PLA2G5: variants seen among roughly 807,000 people sequenced by gnomAD.
The protein encoded by PLA2G5 is Ca2+-dependent phospholipase A2.
A neutral mutation model predicts 15.9 loss-of-function variants in PLA2G5; 12 were observed. The observed-to-expected ratio is 0.76, with a 90% CI of 0.48 to 1.23. The LOEUF is 1.23. PLA2G5 is among the 50% of genes most tolerant of loss of function. The pLI, the probability that PLA2G5 is intolerant of heterozygous loss-of-function variation, is 0.00. For missense variants in PLA2G5, 169 were observed against 177.1 expected (o/e 0.95, Z 0.26); for synonymous variants, 71 against 71.4 (o/e 0.99, Z 0.03).
intron 1 of PLA2G5, among the ~76,000 whole-genome samples, chr1:20,047,014 C>T (rs1433352870): frequency 6.6e-6 from 1 of 152,164 alleles, no homozygotes; most frequent in Non-Finnish European, 1.5e-5. Context: ...AGAGAAAGGT[C>T]ATTTTGCTCC....
At chr1:20,044,800 G>A (rs11590441) in intron 1 of PLA2G5, among the ~76,000 whole-genome samples, 1,656 of 152,166 alleles carry the variant, frequency 0.011, 32 homozygotes, top group African/African-American at 0.038. Flanking sequence ...GGCAGGGTGC[G>A]ATCTGAGGTG....
At chr1:20,064,361 G>A (rs1266310584) in intron 2 of PLA2G5, among the ~76,000 whole-genome samples, 1 of 152,074 alleles carries the variant, frequency 6.6e-6, no homozygotes, top group Non-Finnish European at 1.5e-5. Context: ...ATGATTTGAG[G>A]TCAGGAGTTC....
chr1:20,056,200 C>T (rs2014424630), intron 1 of PLA2G5, among the ~76,000 whole-genome samples: 1 of 152,134 alleles, frequency 6.6e-6, no homozygotes, highest in South Asian at 2.1e-4. Context: ...TACACATCCT[C>T]TTGCATCATC....
chr1:20,061,082 G>T (rs16823377), intron 2 of PLA2G5, among the ~76,000 whole-genome samples: 9,525 of 152,232 alleles, frequency 0.063, 493 homozygotes, highest in East Asian at 0.25. Context: ...AGGCAGCCTG[G>T]TGATTCCGGA....
upstream of PLA2G5, among the ~76,000 whole-genome samples, chr1:20,069,627 C>A (rs187197174): frequency 6.2e-3 from 917 of 148,670 alleles, 6 homozygotes; most frequent in South Asian, 0.023. Context: ...CACCACTGCA[C>A]TCCAGCCTGG....
intron 1 of PLA2G5, chr1:20,076,865 G>A (rs1385692660): frequency 6.6e-6 from 1 of 152,262 alleles, no homozygotes; most frequent in Non-Finnish European, 1.5e-5. Flanking sequence ...GGAGGAGGAG[G>A]ACTTGATGTA....
At chr1:20,079,113 C>CAA (rs5772882) in intron 1 of PLA2G5, among the ~76,000 whole-genome samples, 6 of 103,062 alleles carry the variant, frequency 5.8e-5, no homozygotes, top group Admixed American at 2.1e-4. Flanking sequence ...GACCCTGTCT[C>CAA]AAAAAAAAAA....
chr1:20,048,540 A>G (rs2014031529), intron 1 of PLA2G5, among the ~76,000 whole-genome samples: 1 of 152,216 alleles, frequency 6.6e-6, no homozygotes, highest in Admixed American at 6.5e-5. Flanking sequence ...TTGTGGCTTT[A>G]GGCAGTCTAG....
intron 1 of PLA2G5, among the ~76,000 whole-genome samples, chr1:20,072,582 AG>A (rs2015435136): frequency 6.6e-6 from 1 of 152,164 alleles, no homozygotes; most frequent in Admixed American, 6.5e-5. Context: ...GGAATGCGTT[AG>A]GGGTGGTATA....
Position 20,070,286 on chromosome 1 carries a change from A to T in PLA2G5, c.-190A>T, listed in dbSNP as rs1360751795. On this transcript the variant is annotated 5_prime_UTR_variant, in exon 1 of 5. Transcript: ENST00000375108. Reference sequence around the variant, plus strand: ...TTTGTCCTCATCATCGGTCACTCCCATTCACAGCTTTAAGATTCTGGAGGC... The same window carrying T: ...TTTGTCCTCATCATCGGTCACTCCCTTTCACAGCTTTAAGATTCTGGAGGC... The T allele has an allele frequency of 1.0e-6, 1 of 985,302 alleles. No individual in the cohort carries two copies. Among genetic ancestry groups the T allele is most frequent in the Non-Finnish European group, 1.2e-6 (1 of 829,952 alleles). 61.0% of individuals were successfully genotyped at this position (985,302 alleles called of 1,614,324 possible).
At chr1:20,073,180 A>T (rs1003095814) in intron 1 of PLA2G5, among the ~76,000 whole-genome samples, 4 of 152,244 alleles carry the variant, frequency 2.6e-5, no homozygotes, top group African/African-American at 9.6e-5. Flanking sequence ...TTAACCAGTT[A>T]GAAAAAGAGA....
intron 1 of PLA2G5, among the ~76,000 whole-genome samples, chr1:20,047,020 G>T (rs1038683665): frequency 6.6e-6 from 1 of 152,168 alleles, no homozygotes; most frequent in African/African-American, 2.4e-5. Flanking sequence ...AGGTCATTTT[G>T]CTCCTCCCAG....
intron 1 of PLA2G5, among the ~76,000 whole-genome samples, chr1:20,029,805 T>G (rs921945029): frequency 1.3e-5 from 2 of 152,210 alleles, no homozygotes; most frequent in Non-Finnish European, 2.9e-5. Flanking sequence ...ATAGTTTGGT[T>G]GTTAGGCAAA....
chr1:20,056,199 T>C (rs1235033881), intron 1 of PLA2G5, among the ~76,000 whole-genome samples: 2 of 152,080 alleles, frequency 1.3e-5, no homozygotes, highest in East Asian at 3.9e-4. Context: ...ATACACATCC[T>C]CTTGCATCAT....
rs553768180 is a variant in PLA2G5, at chr1:20,030,437, A to G, written n.276+1728A>G. Among the ~76,000 whole-genome samples the G allele has an allele frequency of 2.0e-5, 3 of 152,258 alleles. No homozygotes were observed. In the East Asian group the frequency reaches 5.8e-4, roughly 29 times the overall value. ...CCACCAGCATGTCTCACCTCCAGCCATAAGGCGGTTTTCTCCTATCTCAGT... is the reference window on the plus strand; with the variant it reads ...CCACCAGCATGTCTCACCTCCAGCCGTAAGGCGGTTTTCTCCTATCTCAGT... On this transcript the variant is annotated intron_variant and non_coding_transcript_variant, in intron 1 of 6. Coordinates refer to the PLA2G5 transcript ENST00000460175.
rs1446263758 is a variant in PLA2G5, at chr1:20,070,438, G to C, written c.-38G>C. The C allele has an allele frequency of 2.0e-6, 2 of 985,538 alleles. No homozygotes were observed. Among genetic ancestry groups the C allele is most frequent in the Non-Finnish European group, 2.4e-6 (2 of 830,014 alleles). 61.0% of individuals were successfully genotyped at this position (985,538 alleles called of 1,614,324 possible). ...AGTTGCTCATGGGAGCAGACCTCTA[G>C]AGCAGGATTTGAGGCCAGGCCAAAG... is the stretch of plus-strand genomic sequence containing the variant. On this transcript the variant is annotated 5_prime_UTR_variant, in exon 1 of 5. The change abolishes the stop of an existing upstream ORF in the 5' untranslated region. Transcript: ENST00000375108.
chr1:20,072,030 C>T (rs751177956), intron 1 of PLA2G5, among the ~76,000 whole-genome samples: 4 of 152,130 alleles, frequency 2.6e-5, no homozygotes, highest in African/African-American at 4.8e-5. Context: ...ATTGCTTGAA[C>T]CCAGGTGGCG....
chr1:20,062,825 G>T (rs1350847988), intron 2 of PLA2G5, among the ~76,000 whole-genome samples: 2 of 152,118 alleles, frequency 1.3e-5, no homozygotes, highest in Non-Finnish European at 2.9e-5. Context: ...CCAGACACCA[G>T]GTAGTAAGGC....
At chr1:20,079,373 G>C (rs1385226437) in intron 1 of PLA2G5, among the ~76,000 whole-genome samples, 1 of 152,208 alleles carries the variant, frequency 6.6e-6, no homozygotes, top group African/African-American at 2.4e-5. Flanking sequence ...TCAGCCCTGA[G>C]GTGATGTGGC....
Sources: gnomAD v4.1 joint callset for allele counts (sites outside exome capture counted in the v4.1 genomes callset) on GRCh38, gnomAD v4.1.1 for gene constraint, MANE v1.5 for transcripts, NCBI Gene and HGNC (gene_info 2026-07-23, HGNC 2026-07-21) for gene names.